Variants in IQGAP2 observed in about 807,000 individuals in gnomAD.
The protein encoded by IQGAP2 is IQ motif containing GTPase activating protein 2, also known as ras GTPase-activating-like protein IQGAP2.
In IQGAP2, 173 loss-of-function variants were observed where a neutral mutation model predicts 201.3. The ratio of observed to expected loss-of-function variants is 0.86; its 90% CI spans 0.76 to 0.98. The LOEUF (loss-of-function observed/expected upper bound fraction) is 0.98, where lower values mean the gene tolerates loss of function less well. Among genes scored for constraint, IQGAP2 ranks in the 50% least tolerant of loss-of-function variants. The pLI is 0.00. For missense variants in IQGAP2, 1,687 were observed against 1,864.8 expected, an observed-to-expected ratio of 0.90 and a Z score of 1.76; for synonymous variants, 675 against 673.9, an observed-to-expected ratio of 1.00 and a Z score of -0.03.
chr5:76,536,093 A>T, intron 2 of IQGAP2, among the ~76,000 whole-genome samples: 1 of 101,614 alleles, frequency 9.8e-6, no homozygotes, highest in African/African-American at 3.9e-5. Context: ...GAGATGGCAG[A>T]GTTTTGCTCA....
chr5:76,600,554 G>A (rs1747360592), intron 10 of IQGAP2, among the ~76,000 whole-genome samples: 1 of 152,128 alleles, frequency 6.6e-6, no homozygotes, highest in African/African-American at 2.4e-5. Context: ...GATCAGCAAT[G>A]GGAATGCAGA....
Position 76,608,760 on chromosome 5 carries a change from A to G in IQGAP2, c.1358-2260A>G, listed in dbSNP as rs570614403. On this transcript the variant is annotated intron_variant, in intron 12 of 35. Transcript: ENST00000274364. ...AAAGTTTACTTTTCCCAGTAGAACC[A>G]TAAAGGAGCATTATTTTAACCTTAT... is the stretch of plus-strand genomic sequence containing the variant. 7.1e-5 allele frequency: 12 copies of G among 169,888 alleles called. 1 individual carries two copies. In the South Asian group the frequency reaches 1.1e-3, roughly 16 times the overall value. The allele number at this position is 169,888 out of a possible 1,614,324, so 10.5% of individuals were successfully genotyped here. A position where few individuals can be genotyped will look rare whatever the true frequency, so the allele number is the denominator to read the frequency against.
intron 13 of IQGAP2, among the ~76,000 whole-genome samples, chr5:76,620,038 C>T (rs1289595411): frequency 1.3e-5 from 2 of 152,106 alleles, no homozygotes; most frequent in South Asian, 2.1e-4. Flanking sequence ...CCTAGAGCCT[C>T]GAGAATGAAC....
chr5:76,574,981 A>G (rs1745370073), intron 4 of IQGAP2, among the ~76,000 whole-genome samples: 2 of 152,224 alleles, frequency 1.3e-5, no homozygotes, highest in African/African-American at 4.8e-5. Context: ...ATGGGAAATA[A>G]TTGTGTTCTG....
At chr5:76,697,365 T>C (rs4703715) in intron 32 of IQGAP2, among the ~76,000 whole-genome samples, 50,001 of 152,194 alleles carry the variant, frequency 0.33, 8,369 homozygotes, top group Non-Finnish European at 0.35. Context: ...CTGAAGAGGC[T>C]GGGCACAATG....
At chr5:76,661,300 G>A (rs1743229264) in intron 21 of IQGAP2, among the ~76,000 whole-genome samples, 1 of 152,084 alleles carries the variant, frequency 6.6e-6, no homozygotes, top group Non-Finnish European at 1.5e-5. Context: ...TTGGTTTTAG[G>A]CAAAAAGAAT....
chr5:76,530,688 G>A (rs1759244821), intron 2 of IQGAP2, among the ~76,000 whole-genome samples: 1 of 152,174 alleles, frequency 6.6e-6, no homozygotes, highest in Non-Finnish European at 1.5e-5. Context: ...TCACTACTAA[G>A]TGATTCTTTA....
intron 3 of IQGAP2, among the ~76,000 whole-genome samples, chr5:76,564,742 C>T (rs1260404424): frequency 2.0e-5 from 3 of 152,196 alleles, no homozygotes; most frequent in Non-Finnish European, 2.9e-5. Context: ...CAGGTGATGA[C>T]ATACATCCCC....
chr5:76,530,899 A>G (rs1580391318), intron 2 of IQGAP2, among the ~76,000 whole-genome samples: 1 of 152,362 alleles, frequency 6.6e-6, no homozygotes, highest in Admixed American at 6.5e-5. Flanking sequence ...TTGTAAAGAA[A>G]GCTGAAAAAT....
chr5:76,458,390 G>T (rs925661634), intron 1 of IQGAP2, among the ~76,000 whole-genome samples: 2 of 152,122 alleles, frequency 1.3e-5, no homozygotes, highest in Non-Finnish European at 2.9e-5. Context: ...CATGCCAGTG[G>T]TTCTTATCAA....
At chr5:76,422,337 C>G (rs147104214) in intron 1 of IQGAP2, among the ~76,000 whole-genome samples, 1 of 152,164 alleles carries the variant, frequency 6.6e-6, no homozygotes, top group Non-Finnish European at 1.5e-5. Flanking sequence ...CAAGTGTGTT[C>G]CGAGGAGTCT....
chr5:76,526,668 A>G (rs1758994030), intron 2 of IQGAP2, among the ~76,000 whole-genome samples: 1 of 152,102 alleles, frequency 6.6e-6, no homozygotes, highest in Non-Finnish European at 1.5e-5. Context: ...AGGTCCCCAG[A>G]TGATTGATTG....
At chr5:76,705,055 T>A (rs1273882996) in intron 35 of IQGAP2, among the ~76,000 whole-genome samples, 1 of 152,156 alleles carries the variant, frequency 6.6e-6, no homozygotes, top group Non-Finnish European at 1.5e-5. Context: ...TATATTCTTC[T>A]TGTAAAAATA....
intron 16 of IQGAP2, among the ~76,000 whole-genome samples, chr5:76,639,327 A>G (rs911053495): frequency 1.3e-5 from 2 of 152,136 alleles, no homozygotes; most frequent in Non-Finnish European, 2.9e-5. Context: ...CACTTTTTGC[A>G]TTGTTTTTGA....
intron 2 of IQGAP2, among the ~76,000 whole-genome samples, chr5:76,520,338 A>G (rs1758594916): frequency 6.6e-6 from 1 of 152,150 alleles, no homozygotes; most frequent in Non-Finnish European, 1.5e-5. Context: ...AGTTGACCAT[A>G]TTTAGTAGAG....
intron 2 of IQGAP2, among the ~76,000 whole-genome samples, chr5:76,489,643 T>G (rs1232910164): frequency 6.6e-6 from 1 of 152,140 alleles, no homozygotes; most frequent in Non-Finnish European, 1.5e-5. Context: ...TTTGGATTTT[T>G]TTAGTAGAGA....
Position 76,623,406 on chromosome 5 carries a change from T to G in IQGAP2, c.1522-4004T>G, listed in dbSNP as rs2069647. 3.8e-3 allele frequency: 2,439 copies of G among 644,724 alleles called. 49 individuals are homozygous for G. The African/African-American group carries it at 0.04, about 11-fold the overall frequency. The allele number at this position is 644,724 out of a possible 1,614,324, so 39.9% of individuals were successfully genotyped here. A position where few individuals can be genotyped will look rare whatever the true frequency, so the allele number is the denominator to read the frequency against. ...GCCCTGGTCCTCCGCAGGGAAAGGA[T>G]GTAATCCACTCGATGCTTCAGTAAG... On this transcript the variant is annotated intron_variant, in intron 13 of 35. Coordinates refer to ENST00000274364, the MANE Select transcript of IQGAP2 (RefSeq NM_006633.5).
Position 76,613,319 on chromosome 5 carries a change from C to T in IQGAP2, c.1521+2136C>T, listed in dbSNP as rs114517147. Among the ~76,000 whole-genome samples the T allele has an allele frequency of 4.7e-3, 711 of 152,328 alleles. 4 individuals are homozygous for T. Among genetic ancestry groups the T allele is most frequent in the African/African-American group, 0.016 (676 of 41,570 alleles). ...GGCTGTGGCCATGGCACATGGTAAACTTACAAGCATTGGAAGACAAAGTTA... is the reference window on the plus strand; with the variant it reads ...GGCTGTGGCCATGGCACATGGTAAATTTACAAGCATTGGAAGACAAAGTTA... On this transcript the variant is annotated intron_variant, in intron 13 of 35. Coordinates refer to ENST00000274364, the MANE Select transcript of IQGAP2 (RefSeq NM_006633.5).
intron 17 of IQGAP2, among the ~76,000 whole-genome samples, chr5:76,651,857 A>G (rs1012443645): frequency 6.6e-6 from 1 of 152,162 alleles, no homozygotes; most frequent in Non-Finnish European, 1.5e-5. Context: ...TTACAAAAAT[A>G]TTATTTTTTT....
Sources: allele counts gnomAD v4.1 joint callset (sites outside exome capture counted in the v4.1 genomes callset), GRCh38; gene constraint gnomAD v4.1.1; transcripts MANE v1.5; gene names NCBI Gene and HGNC (gene_info 2026-07-23, HGNC 2026-07-21).